Variants in NAA60 observed in about 807,000 individuals in gnomAD.
The protein encoded by NAA60 is N-alpha-acetyltransferase 60.
A neutral mutation model predicts 26.1 loss-of-function variants in NAA60; 8 were observed. The observed-to-expected ratio is 0.31, with a 90% CI of 0.18 to 0.55. The LOEUF (loss-of-function observed/expected upper bound fraction) is 0.55, where lower values mean the gene tolerates loss of function less well. Ranked by LOEUF, NAA60 falls within the 20% of genes least tolerant of loss-of-function variation. NAA60 has a pLI of 0.93. For synonymous variants in NAA60, 131 were observed against 122.5 expected, an observed-to-expected ratio of 1.07 and a Z score of -0.46; for missense variants, 290 against 311.3, an observed-to-expected ratio of 0.93 and a Z score of 0.51.
chr16:3,467,193 A>T (rs1423298989), intron 2 of NAA60, among the ~76,000 whole-genome samples: 1 of 152,124 alleles, frequency 6.6e-6, no homozygotes, highest in Non-Finnish European at 1.5e-5. Context: ...AGGTGGGAGA[A>T]TCTTCAGGCC....
chr16:3,453,000 G>A (rs1312075214), intron 2 of NAA60, among the ~76,000 whole-genome samples: 2 of 152,116 alleles, frequency 1.3e-5, no homozygotes, highest in African/African-American at 4.8e-5. Context: ...GAGGCTGCGG[G>A]CCGTTTGCCC....
chr16:3,485,235 A>G (rs1037432783), intron 7 of NAA60, 174 bp downstream of exon 7: 1 of 664,860 alleles, frequency 1.5e-6, no homozygotes, highest in African/African-American at 1.8e-5. Flanking sequence ...CCAAGCTAAC[A>G]CAGCAGGCTC....
intron 4 of NAA60, among the ~76,000 whole-genome samples, chr16:3,480,208 A>C (rs2036738761): frequency 1.3e-5 from 2 of 152,318 alleles, no homozygotes; most frequent in South Asian, 2.1e-4. Flanking sequence ...CATCTGAGGT[A>C]ATGTTTACCA....
intron 2 of NAA60, among the ~76,000 whole-genome samples, chr16:3,475,741 A>G (rs888436668): frequency 6.6e-5 from 10 of 152,000 alleles, no homozygotes; most frequent in African/African-American, 1.2e-4. Context: ...AAGCCGCACC[A>G]TTTCCCCTGC....
intron 2 of NAA60, among the ~76,000 whole-genome samples, chr16:3,458,550 G>A (rs972534195): frequency 2.6e-5 from 4 of 152,180 alleles, no homozygotes. Context: ...GTCGCGCGAG[G>A]TGAAGGGCCA....
intron 3 of NAA60, among the ~76,000 whole-genome samples, chr16:3,476,852 A>T (rs2036516215): frequency 6.6e-6 from 1 of 151,688 alleles, no homozygotes; most frequent in South Asian, 2.1e-4. Context: ...GACCAGCCTG[A>T]CCAACATGGA....
chr16:3,453,566 G>A lies in NAA60; in HGVS notation c.-7+5026G>A, dbSNP rs146023606. Among the ~76,000 whole-genome samples, 62 of 152,074 alleles carry A rather than the reference G, an allele frequency of 4.1e-4. No homozygotes were observed. The East Asian group carries it at 9.9e-3, about 24-fold the overall frequency. ...TGGGATTACAGGCACGCACCACCAC[G>A]CCTGGCTAATTTTGTATTTTTAGTA... On this transcript the variant is annotated intron_variant, in intron 2 of 7. Coordinates refer to ENST00000407558, the MANE Select transcript of NAA60 (RefSeq NM_001083601.3).
Position 3,483,369 on chromosome 16 carries a change from T to A in NAA60, c.344T>A (p.Leu115His). ...TTTACCTCTTCTCCCCAAGGTTCCC[T>A]CTTACTTGAAAGTTTAAAGGATCAC... ...KEFRKHGIGS[L>H]LLESLKDHIS... The change falls in exon 6 of 8, where the codon CTC becomes CAC. Residue 115 changes from leucine to histidine, a missense_variant. By Grantham distance (99) the Leu-to-His change is moderately conservative. Transcript: ENST00000407558. 6.2e-7 allele frequency: 1 copy of A among 1,608,216 alleles called. No individual in the cohort carries two copies. The highest frequency in any genetic ancestry group is 1.3e-5 in the African/African-American group (1 of 74,894).
chr16:3,483,527 C>T lies in NAA60; in HGVS notation c.502C>T (p.Arg168Ter), dbSNP rs897256410. 2.5e-6 allele frequency: 4 copies of T among 1,613,654 alleles called. No homozygotes were observed. Among genetic ancestry groups the T allele is most frequent in the Non-Finnish European group, 2.5e-6 (3 of 1,179,776 alleles). The change falls in exon 6 of 8, where the codon CGA becomes TGA. Residue 168 changes from arginine (R) to a stop codon, truncating the protein, a stop_gained. Coordinates refer to ENST00000407558, the MANE Select transcript of NAA60 (RefSeq NM_001083601.3). LOFTEE classifies it high-confidence loss of function. ...CTATCTCCCCTATTACTACTCCATT[C>T]GAGGGGTCCTCAAAGATGGCTTCAC... Reference protein sequence around the residue: ...HHYLPYYYSIRGVLKDGFTYV... With the variant: ...HHYLPYYYSI
intron 2 of NAA60, among the ~76,000 whole-genome samples, chr16:3,466,452 G>A (rs1485803793): frequency 3.9e-5 from 6 of 152,226 alleles, no homozygotes; most frequent in East Asian, 1.9e-4. Flanking sequence ...CAAGCCATGC[G>A]CAGTGTTAGC....
chr16:3,448,405 C>G, intron 1 of NAA60, 66 bp from the exon 2 acceptor site: 4 of 1,349,488 alleles, frequency 3.0e-6, no homozygotes, highest in Non-Finnish European at 4.1e-6. Context: ...CACTCATTAG[C>G]CTATGAGTTG....
At chr16:3,449,991 T>C in intron 2 of NAA60, 1 of 398,540 alleles carries the variant, frequency 2.5e-6, no homozygotes, top group Admixed American at 4.4e-5. Flanking sequence ...CTCAGGTATG[T>C]CTTTATCAGC....
At chr16:3,459,512 A>G (rs2035234499) in intron 2 of NAA60, among the ~76,000 whole-genome samples, 2 of 152,174 alleles carry the variant, frequency 1.3e-5, no homozygotes, top group South Asian at 4.1e-4. Context: ...TATCTTTCCA[A>G]ACAGACAGGT....
chr16:3,484,588 C>A, intron 6 of NAA60, 111 bp from the exon 7 acceptor site: 1 of 1,410,498 alleles, frequency 7.1e-7, no homozygotes. Context: ...GCCTCCGAAG[C>A]CTGGCTTGCC....
At chr16:3,443,938 G>A in intron 1 of NAA60, 101 bp downstream of exon 1, 10 of 1,421,478 alleles carry the variant, frequency 7.0e-6, no homozygotes, top group Non-Finnish European at 9.2e-6. Flanking sequence ...GGCTTGAGCT[G>A]TCCTTTGTGT....
chr16:3,450,442 T>C (rs2034730446), intron 2 of NAA60, among the ~76,000 whole-genome samples: 1 of 152,214 alleles, frequency 6.6e-6, no homozygotes, highest in African/African-American at 2.4e-5. Context: ...GGCTCATGCC[T>C]GTAATCCCAG....
chr16:3,481,183 G>A (rs982084926), intron 4 of NAA60, among the ~76,000 whole-genome samples: 5 of 151,876 alleles, frequency 3.3e-5, no homozygotes, highest in Middle Eastern at 3.4e-3. Context: ...GCAGTGATGC[G>A]ATCCTGATCC....
chr16:3,483,640 C>A, intron 6 of NAA60, 43 bp downstream of exon 6: 1 of 1,500,578 alleles, frequency 6.7e-7, no homozygotes, highest in Non-Finnish European at 9.2e-7. Flanking sequence ...GCTTCCTGTC[C>A]ATAAGGTGGC....
rs928751731 is a variant in NAA60 at position 3,458,004 on chromosome 16, C to G, written c.-7+9464C>G. On this transcript the variant is annotated intron_variant, in intron 2 of 7. Transcript: ENST00000407558. ...GCGGCCAATGGGCTTCCGGGCTGCGCTGCCGGCAGGGAGCGGGAGGCGGAA... is the reference window on the plus strand; with the variant it reads ...GCGGCCAATGGGCTTCCGGGCTGCGGTGCCGGCAGGGAGCGGGAGGCGGAA... 5 of 985,230 alleles carry G rather than the reference C, an allele frequency of 5.1e-6. No homozygotes were observed. The African/African-American group carries it at 5.2e-5, about 10-fold the overall frequency. 61.0% of individuals were successfully genotyped at this position (985,230 alleles called of 1,614,324 possible). A position where few individuals can be genotyped will look rare whatever the true frequency, so the allele number is the denominator to read the frequency against.
Sources: allele counts gnomAD v4.1 joint callset (sites outside exome capture counted in the v4.1 genomes callset), GRCh38; gene constraint gnomAD v4.1.1; transcripts MANE v1.5; gene names NCBI Gene and HGNC (gene_info 2026-07-23, HGNC 2026-07-21).